ANO3: variants seen among roughly 807,000 people sequenced by gnomAD.
The protein encoded by ANO3 is anoctamin 3.
In ANO3, 99 loss-of-function variants were observed where a neutral mutation model predicts 144.8. That is an observed-to-expected ratio of 0.68 (90% confidence interval 0.58 to 0.81). ANO3 has a LOEUF of 0.81. ANO3 is among the 30% of genes least tolerant of loss of function. ANO3 has a pLI of 0.00. For synonymous variants in ANO3, 414 were observed against 392.6 expected (o/e 1.05, Z -0.64); for missense variants, 905 against 1,202.2 (o/e 0.75, Z 3.66).
intron 4 of ANO3, among the ~76,000 whole-genome samples, chr11:26,482,070 AATC>A (rs1002282962): frequency 3.3e-5 from 5 of 150,622 alleles, no homozygotes; most frequent in African/African-American, 1.2e-4. Context: ...TTTTTTTTTT[AATC>A]TTCTCTTAGA....
chr11:26,641,764 T>C, intron 21 of ANO3, 132 bp from the exon 22 acceptor site: 1 of 1,002,642 alleles, frequency 1.0e-6, no homozygotes, highest in Non-Finnish European at 1.3e-6. Flanking sequence ...AAAACTTTTA[T>C]AAAAGGTAAA....
chr11:26,297,917 A>G (rs1460712701), intron 1 of ANO3, among the ~76,000 whole-genome samples: 4 of 152,160 alleles, frequency 2.6e-5, no homozygotes, highest in African/African-American at 9.7e-5. Context: ...AGAAGCCAAG[A>G]CCACCTGACA....
At chr11:26,439,098 G>T (rs1461247841) in intron 1 of ANO3, among the ~76,000 whole-genome samples, 2 of 152,192 alleles carry the variant, frequency 1.3e-5, no homozygotes, top group Non-Finnish European at 2.9e-5. Flanking sequence ...TCAACAACTT[G>T]TATGGGAACA....
intron 14 of ANO3, among the ~76,000 whole-genome samples, chr11:26,569,502 A>G (rs1052591670): frequency 3.3e-5 from 5 of 152,030 alleles, no homozygotes; most frequent in African/African-American, 1.2e-4. Flanking sequence ...AAAGTCGTAG[A>G]AGCAGCCAGG....
At chr11:26,403,145 G>A (rs1205649916) in intron 1 of ANO3, among the ~76,000 whole-genome samples, 1 of 151,802 alleles carries the variant, frequency 6.6e-6, no homozygotes, top group Non-Finnish European at 1.5e-5. Context: ...TTGTTTCCCT[G>A]TATTTTCTGT....
intron 23 of ANO3, among the ~76,000 whole-genome samples, chr11:26,645,873 AAT>A (rs1410199974): frequency 6.6e-6 from 1 of 152,204 alleles, no homozygotes; most frequent in African/African-American, 2.4e-5. Flanking sequence ...AAATAAAAAT[AAT>A]ATAAGCACAT....
rs200069714 is a variant in ANO3, at chr11:26,547,691, TTG to T, written c.1289+143_1289+144del. ...ATTTGCTATTTCTGTTTTTTGGCTTTTGTTTTTGGTAGGAAGAGAACACAATT... is the reference window on the plus strand; with the variant it reads ...ATTTGCTATTTCTGTTTTTTGGCTTTTTTTTGGTAGGAAGAGAACACAATT... On this transcript the variant is annotated intron_variant, in intron 12 of 26. Coordinates refer to ENST00000256737, the MANE Select transcript of ANO3 (RefSeq NM_031418.4). 40,327 of 786,810 alleles carry T rather than the reference TTG, an allele frequency of 0.051. 1,491 individuals carry two copies. Among genetic ancestry groups the T allele is most frequent in the Admixed American group, 0.12 (3,841 of 31,398 alleles). 48.7% of individuals were successfully genotyped at this position (786,810 alleles called of 1,614,324 possible).
chr11:26,355,708 C>G (rs1376580154), intron 1 of ANO3, among the ~76,000 whole-genome samples: 1 of 151,842 alleles, frequency 6.6e-6, no homozygotes, highest in Non-Finnish European at 1.5e-5. Context: ...TACAGGCGCC[C>G]CCCACCACGC....
rs7112022 is a variant in ANO3 at position 26,598,325 on chromosome 11, T to C, written c.1448-40T>C. The C allele has an allele frequency of 0.32, 356,738 of 1,099,340 alleles. 60,103 individuals are homozygous for C. Among genetic ancestry groups the C allele is most frequent in the South Asian group, 0.46 (21,764 of 47,490 alleles). The allele number at this position is 1,099,340 out of a possible 1,614,324, so 68.1% of individuals were successfully genotyped here. A position where few individuals can be genotyped will look rare whatever the true frequency, so the allele number is the denominator to read the frequency against. On this transcript the variant is annotated intron_variant, in intron 14 of 26. Coordinates refer to ENST00000256737, the MANE Select transcript of ANO3 (RefSeq NM_031418.4). ...AATATAAAGAAGAAAAGCAATATGATGTGATTTGGGTAAAGAATTATCATT... is the reference window on the plus strand; with the variant it reads ...AATATAAAGAAGAAAAGCAATATGACGTGATTTGGGTAAAGAATTATCATT...
chr11:26,627,852 T>C (rs200601849), intron 18 of ANO3, among the ~76,000 whole-genome samples: 7 of 137,144 alleles, frequency 5.1e-5, no homozygotes, highest in African/African-American at 1.7e-4. Context: ...TGTGTGTGTG[T>C]GTGCGCCTGA....
At chr11:26,489,761 T>G (rs567015221) in intron 4 of ANO3, among the ~76,000 whole-genome samples, 69 of 152,338 alleles carry the variant, frequency 4.5e-4, no homozygotes, top group Non-Finnish European at 7.9e-4. Context: ...ATTTTTGACT[T>G]GCATGGGCCC....
At chr11:26,446,186 T>C (rs1181560035) in intron 3 of ANO3, among the ~76,000 whole-genome samples, 1 of 152,300 alleles carries the variant, frequency 6.6e-6, no homozygotes, top group East Asian at 1.9e-4. Context: ...GTTTTAATCA[T>C]CTTTGAAAAG....
At chr11:26,280,997 G>T (rs1290986094) in intron 1 of ANO3, among the ~76,000 whole-genome samples, 1 of 152,100 alleles carries the variant, frequency 6.6e-6, no homozygotes, top group Non-Finnish European at 1.5e-5. Flanking sequence ...AATAATATCT[G>T]TCTCTATCAT....
chr11:26,332,093 C>A (rs1855060247), upstream of ANO3: 9 of 1,465,502 alleles, frequency 6.1e-6, no homozygotes, highest in Non-Finnish European at 8.1e-6. Flanking sequence ...CGCCCTCCCG[C>A]GTTCCCATGA....
At chr11:26,334,380 A>G (rs1855139577) in intron 1 of ANO3, among the ~76,000 whole-genome samples, 1 of 152,232 alleles carries the variant, frequency 6.6e-6, no homozygotes, top group South Asian at 2.1e-4. Context: ...GGAAGAAGCA[A>G]AATAATTCTC....
At chr11:26,456,658 T>A (rs375608148) in intron 3 of ANO3, among the ~76,000 whole-genome samples, 1,612 of 102,278 alleles carry the variant, frequency 0.016, 97 homozygotes, top group Non-Finnish European at 0.023. Context: ...ATTGTGGAAG[T>A]CGGTGTGGCG....
At chr11:26,565,055 TTGTGTTCTCTTC>T in intron 14 of ANO3, 1 of 1,093,966 alleles carries the variant, frequency 9.1e-7, no homozygotes, top group Non-Finnish European at 1.3e-6. Flanking sequence ...ATCCATGCTA[TTGTGTTCTCTTC>T]TGTTTTTCCA....
chr11:26,612,986 G>T (rs1221589076), intron 17 of ANO3, among the ~76,000 whole-genome samples: 1 of 152,012 alleles, frequency 6.6e-6, no homozygotes, highest in African/African-American at 2.4e-5. Flanking sequence ...ATTTTGAGTT[G>T]AATCTAATAG....
intron 1 of ANO3, among the ~76,000 whole-genome samples, chr11:26,333,100 C>A (rs1855098816): frequency 6.6e-6 from 1 of 152,088 alleles, no homozygotes; most frequent in African/African-American, 2.4e-5. Context: ...AACACAATTG[C>A]CACTTTGCTG....
Sources: allele counts gnomAD v4.1 joint callset (sites outside exome capture counted in the v4.1 genomes callset), GRCh38; gene constraint gnomAD v4.1.1; transcripts MANE v1.5; gene names NCBI Gene and HGNC (gene_info 2026-07-23, HGNC 2026-07-21).